Variants in CYP46A1 observed in about 807,000 individuals in gnomAD.
CYP46A1 encodes the protein cytochrome P450 family 46 subfamily A member 1, also known as cholesterol 24-hydroxylase.
In CYP46A1, 20 loss-of-function variants were observed where a neutral mutation model predicts 63.3. The ratio of observed to expected loss-of-function variants is 0.32; its 90% CI spans 0.22 to 0.46. The LOEUF is 0.46. CYP46A1 is among the 20% of genes least tolerant of loss of function. The pLI, the probability that CYP46A1 is intolerant of heterozygous loss-of-function variation, is 1.00. For missense variants in CYP46A1, 445 were observed against 670.8 expected (o/e 0.66, Z 3.72); for synonymous variants, 268 against 273.6 (o/e 0.98, Z 0.20).
At position 99,715,898 on chromosome 14, in the gene CYP46A1, G is replaced by A; in HGVS notation, c.782G>A (p.Arg261His). Residue 261 changes from arginine to histidine, a missense_variant, in exon 8 of 15, where the codon CGC becomes CAC. Physicochemically the swap from Arg to His is conservative, Grantham distance 29. Transcript: ENST00000261835. Reference protein sequence around the residue: ...RQVGRDWVQRRREALKRGEEV... With the variant: ...RQVGRDWVQRHREALKRGEEV... The stretch of plus-strand genomic sequence containing the variant: ...GTGGGCAGGGACTGGGTCCAGCGCC[G>A]CCGGGAAGCCCTGAAGAGGGGCGAG... The A allele has an allele frequency of 4.3e-6, 7 of 1,613,748 alleles. No homozygotes were observed. Among genetic ancestry groups the A allele is most frequent in the Non-Finnish European group, 5.1e-6 (6 of 1,179,918 alleles).
chr14:99,708,908 CTAACAA>C, intron 7 of CYP46A1: 1 of 152,380 alleles, frequency 6.6e-6, no homozygotes, highest in South Asian at 2.1e-4. Flanking sequence ...ATGGCCTCCA[CTAACAA>C]TGACAGTCTA....
chr14:99,705,443 C>T (rs1174481793), intron 5 of CYP46A1, among the ~76,000 whole-genome samples: 3 of 152,132 alleles, frequency 2.0e-5, no homozygotes, highest in Non-Finnish European at 2.9e-5. Context: ...AACTCATGGC[C>T]GCAAGCAATC....
intron 10 of CYP46A1, among the ~76,000 whole-genome samples, chr14:99,719,652 T>C (rs1233619338): frequency 2.0e-5 from 3 of 152,138 alleles, no homozygotes; most frequent in African/African-American, 7.2e-5. Context: ...GTAAGTGGAC[T>C]CATACAGTAT....
At chr14:99,715,744 G>C (rs1431098340) in intron 7 of CYP46A1, 66 bp from the exon 8 acceptor site, 7 of 1,604,700 alleles carry the variant, frequency 4.4e-6, no homozygotes, top group African/African-American at 2.7e-5. Context: ...TTTCGGGGTG[G>C]TGGGGGAGAG....
At chr14:99,713,254 C>A (rs1042116294) in intron 7 of CYP46A1, 1 of 148,916 alleles carries the variant, frequency 6.7e-6, no homozygotes, top group African/African-American at 2.5e-5. Flanking sequence ...TATGGTGAAA[C>A]CCTGTCTCTA....
intron 10 of CYP46A1, among the ~76,000 whole-genome samples, chr14:99,719,551 A>T (rs2056824822): frequency 1.3e-5 from 2 of 150,948 alleles, no homozygotes; most frequent in Non-Finnish European, 3.0e-5. Flanking sequence ...CATCTTCCCA[A>T]ACTGAAAATC....
intron 3 of CYP46A1, 62 bp downstream of exon 3, chr14:99,691,923 A>C: frequency 6.6e-7 from 1 of 1,525,594 alleles, no homozygotes; most frequent in Non-Finnish European, 9.1e-7. Context: ...GGGGGAGTGA[A>C]GCCTGGTCCC....
intron 3 of CYP46A1, among the ~76,000 whole-genome samples, chr14:99,696,846 A>C (rs1293875574): frequency 6.6e-6 from 1 of 152,192 alleles, no homozygotes; most frequent in Non-Finnish European, 1.5e-5. Context: ...ATTCCTTTAG[A>C]GATTCTTTGA....
intron 9 of CYP46A1, 161 bp from the exon 10 acceptor site, chr14:99,717,893 G>A (rs2056805945): frequency 1.8e-6 from 1 of 562,940 alleles, no homozygotes; most frequent in Non-Finnish European, 3.1e-6. Context: ...CCCGGGCCAA[G>A]TGAGACCTAG....
At chr14:99,690,973 C>A in intron 1 of CYP46A1, 108 bp from the exon 2 acceptor site, 2 of 1,040,600 alleles carry the variant, frequency 1.9e-6, no homozygotes, top group South Asian at 2.7e-5. Flanking sequence ...CCTCCCCATG[C>A]CTCGGTCCTC....
At chr14:99,721,841 G>T in intron 11 of CYP46A1, 115 bp from the exon 12 acceptor site, 1 of 746,164 alleles carries the variant, frequency 1.3e-6, no homozygotes, top group South Asian at 1.6e-5. Flanking sequence ...GCCAGGGTGA[G>T]GGTATGCACT....
At chr14:99,706,622 G>A (rs143838517) in intron 5 of CYP46A1, 25 bp from the exon 6 acceptor site, 75 of 1,612,730 alleles carry the variant, frequency 4.7e-5, no homozygotes, top group South Asian at 9.9e-5. Flanking sequence ...GCCAGTGGCC[G>A]TTGATGCCTG....
At chr14:99,704,200 G>A (rs2056655668) in intron 5 of CYP46A1, among the ~76,000 whole-genome samples, 1 of 152,192 alleles carries the variant, frequency 6.6e-6, no homozygotes, top group African/African-American at 2.4e-5. Context: ...TTTTAGGTGT[G>A]CAGTTCAGTG....
At chr14:99,689,639 AAC>A (rs1302243364) in intron 1 of CYP46A1, among the ~76,000 whole-genome samples, 1 of 152,118 alleles carries the variant, frequency 6.6e-6, no homozygotes, top group African/African-American at 2.4e-5. Context: ...CCAGGCCAAA[AAC>A]ACAGAGTCAT....
At chr14:99,723,001 G>C in intron 12 of CYP46A1, 1 of 415,468 alleles carries the variant, frequency 2.4e-6, no homozygotes, top group Non-Finnish European at 5.1e-6. Flanking sequence ...CAAAGTGGCT[G>C]CACCAACTTG....
intron 4 of CYP46A1, 105 bp from the exon 5 acceptor site, chr14:99,699,910 A>G: frequency 1.3e-6 from 1 of 793,618 alleles, no homozygotes; most frequent in Non-Finnish European, 2.0e-6. Flanking sequence ...GCCACCGCCT[A>G]GCTCCAATAC....
At chr14:99,699,353 C>A in intron 3 of CYP46A1, 113 bp from the exon 4 acceptor site, 1 of 960,126 alleles carries the variant, frequency 1.0e-6, no homozygotes, top group Non-Finnish European at 1.7e-6. Flanking sequence ...GGGAAGTGGG[C>A]ACACTGCGGC....
intron 6 of CYP46A1, among the ~76,000 whole-genome samples, chr14:99,707,357 A>T (rs4485283): frequency 0.071 from 10,761 of 152,308 alleles, 441 homozygotes; most frequent in East Asian, 0.16. Flanking sequence ...GAAGAAAGCC[A>T]AGTTTATTGA....
chr14:99,703,729 G>A, intron 5 of CYP46A1: 1 of 954,550 alleles, frequency 1.0e-6, no homozygotes, highest in Non-Finnish European at 1.2e-6. Flanking sequence ...CTAGACCACG[G>A]ATCCCTGAAG....
Sources: gnomAD v4.1 joint callset for allele counts (sites outside exome capture counted in the v4.1 genomes callset) on GRCh38, gnomAD v4.1.1 for gene constraint, MANE v1.5 for transcripts, NCBI Gene and HGNC (gene_info 2026-07-23, HGNC 2026-07-21) for gene names.